The following PCNA variants were observed in gnomAD, a reference collection of about 807,000 sequenced individuals.
The protein encoded by PCNA is proliferating cell nuclear antigen.
A neutral mutation model predicts 27.8 loss-of-function variants in PCNA; 4 were observed. The ratio of observed to expected loss-of-function variants is 0.14; its 90% confidence interval spans 0.07 to 0.33. The LOEUF (loss-of-function observed/expected upper bound fraction) is 0.33. Ranked by LOEUF, PCNA falls within the 10% of genes least tolerant of loss-of-function variation. The pLI is 1.00. For missense variants in PCNA, 165 were observed against 327.4 expected, an observed-to-expected ratio of 0.50 and a Z score of 3.83; for synonymous variants, 121 against 119.4, an observed-to-expected ratio of 1.01 and a Z score of -0.09.
Position 5,115,218 on chromosome 20 carries a change from T to A in PCNA, c.*65A>T. The A allele has an allele frequency of 8.1e-7, 1 of 1,230,414 alleles. No individual in the cohort carries two copies. Among genetic ancestry groups the A allele is most frequent in the East Asian group, 2.3e-5 (1 of 42,932 alleles). The allele number at this position is 1,230,414 out of a possible 1,614,324, so 76.2% of individuals were successfully genotyped here. ...TTTGGTGACAGAAAAGACTTCAGTA[T>A]ATGCTGGCATCTTAGAAGCAGTTCT... is the stretch of plus-strand genomic sequence containing the variant. On this transcript the variant is annotated 3_prime_UTR_variant, in exon 6 of 6. Coordinates refer to ENST00000379143, the MANE Select transcript of PCNA (RefSeq NM_182649.2).
At position 5,118,869 on chromosome 20, in the gene PCNA, A is replaced by G. The variant is rs2090494757; in HGVS notation, c.222-3T>C. 3.1e-6 allele frequency: 5 copies of G among 1,587,650 alleles called. No homozygotes were observed. Among genetic ancestry groups the G allele is most frequent in the Non-Finnish European group, 1.7e-6 (2 of 1,156,842 alleles). ...CGCATTTTAGTATTTTGGACATACT[A>G]GAAGACAGGAGACACATGCTTTAAA... On this transcript the variant is annotated splice_region_variant and splice_polypyrimidine_tract_variant and intron_variant, in intron 1 of 5. Coordinates refer to ENST00000379143, the MANE Select transcript of PCNA (RefSeq NM_182649.2).
At chr20:5,117,225 G>T (rs893794688) in intron 4 of PCNA, among the ~76,000 whole-genome samples, 1 of 152,174 alleles carries the variant, frequency 6.6e-6, no homozygotes, top group Non-Finnish European at 1.5e-5. Context: ...TTAAGAGCCG[G>T]TGTGGACTTG....
chr20:5,126,118 G>T (rs2090546422), intron 1 of PCNA, among the ~76,000 whole-genome samples: 2 of 152,160 alleles, frequency 1.3e-5, no homozygotes, highest in African/African-American at 4.8e-5. Flanking sequence ...CCTTGGAATT[G>T]TTTGCGCCCG....
intron 4 of PCNA, 124 bp downstream of exon 4, chr20:5,117,345 AG>A (rs2122898933): frequency 1.5e-6 from 1 of 669,330 alleles, no homozygotes; most frequent in East Asian, 2.7e-5. Flanking sequence ...AGATTTCAAC[AG>A]TATCTCAATT....
At chr20:5,118,419 C>A (rs932915235) in intron 3 of PCNA, among the ~76,000 whole-genome samples, 191 bp downstream of exon 3, 28 of 152,064 alleles carry the variant, frequency 1.8e-4, no homozygotes, top group African/African-American at 6.8e-4. Flanking sequence ...TCCTTCCTAG[C>A]CACTTAGGAG....
chr20:5,126,483 A>G (rs1201567703), intron 1 of PCNA: 1 of 152,252 alleles, frequency 6.6e-6, no homozygotes, highest in Non-Finnish European at 1.5e-5. Context: ...CATTCGACCT[A>G]AATAACGTCT....
chr20:5,118,574 G>T, intron 3 of PCNA, 36 bp downstream of exon 3: 1 of 1,395,056 alleles, frequency 7.2e-7, no homozygotes, highest in Non-Finnish European at 1.0e-6. Context: ...TCGTGCCTGT[G>T]TACAGCACTC....
chr20:5,117,707 T>G, intron 3 of PCNA, 43 bp from the exon 4 acceptor site: 2 of 1,305,198 alleles, frequency 1.5e-6, no homozygotes, highest in Non-Finnish European at 1.1e-6. Context: ...TGTTAGAAAT[T>G]TAATGATTTG....
In PCNA at chr20:5,125,552, G is replaced by A. The variant is rs532094893; in HGVS notation, c.-117+948C>T. Among the ~76,000 whole-genome samples the A allele has an allele frequency of 3.5e-4, 53 of 152,342 alleles. No individual in the cohort carries two copies. The South Asian group carries it at 0.011, about 30-fold the overall frequency. ...TAAAAAACGAAATTGCAATTCTTTTGTGTGCAAGTGTCTCATTGTGAGATT... is the reference window on the plus strand; with the variant it reads ...TAAAAAACGAAATTGCAATTCTTTTATGTGCAAGTGTCTCATTGTGAGATT... On this transcript the variant is annotated intron_variant, in intron 1 of 6. Coordinates refer to the PCNA transcript ENST00000379160.
chr20:5,118,103 A>C lies in PCNA; in HGVS notation c.388-439T>G, dbSNP rs3730425. Among the ~76,000 whole-genome samples, 573 of 152,378 alleles carry C rather than the reference A, an allele frequency of 3.8e-3. 5 individuals carry two copies. The highest frequency in any genetic ancestry group is 0.012 in the African/African-American group (511 of 41,586). ...AAAGCAAGCATTCTAGAAGGAAACA[A>C]ATTTTAAAAGAGGTTCATGGAAGTT... is the stretch of plus-strand genomic sequence containing the variant. On this transcript the variant is annotated intron_variant, in intron 3 of 5. Transcript: ENST00000379143.
chr20:5,120,746 T>C (rs1362083850), upstream of PCNA, among the ~76,000 whole-genome samples: 1 of 152,214 alleles, frequency 6.6e-6, no homozygotes, highest in Admixed American at 6.5e-5. Flanking sequence ...ATTTTGGTGA[T>C]ATCAACTCCT....
At chr20:5,116,151 T>C (rs2122895286) in intron 4 of PCNA, among the ~76,000 whole-genome samples, 1 of 152,226 alleles carries the variant, frequency 6.6e-6, no homozygotes, top group South Asian at 2.1e-4. Context: ...TAGATTGTAA[T>C]GGAAGGGGGA....
At chr20:5,126,374 C>G (rs1043437106) in intron 1 of PCNA, 1 of 152,284 alleles carries the variant, frequency 6.6e-6, no homozygotes, top group South Asian at 2.1e-4. Flanking sequence ...GTACTAGCGA[C>G]CGCTTGGCAA....
At chr20:5,124,029 G>A (rs2090531587), upstream of PCNA, among the ~76,000 whole-genome samples, 1 of 152,172 alleles carries the variant, frequency 6.6e-6, no homozygotes. Context: ...TCCAGTCCTA[G>A]TCTTCATAAA....
upstream of PCNA, among the ~76,000 whole-genome samples, chr20:5,121,967 TTTTTTC>T (rs1242400585): frequency 3.0e-3 from 446 of 150,632 alleles, 1 homozygote; most frequent in Non-Finnish European, 4.1e-3. Context: ...ATTTCTTTTT[TTTTTTC>T]TTTTTCTTTT....
rs2090466873 is a variant in PCNA at position 5,115,226 on chromosome 20, C to T, written c.*57G>A. On this transcript the variant is annotated 3_prime_UTR_variant, in exon 6 of 6. Transcript: ENST00000379143. ...CAGAAAAGACTTCAGTATATGCTGGCATCTTAGAAGCAGTTCTCAAAGAGC... is the reference window on the plus strand; with the variant it reads ...CAGAAAAGACTTCAGTATATGCTGGTATCTTAGAAGCAGTTCTCAAAGAGC... 7.6e-7 allele frequency: 1 copy of T among 1,318,404 alleles called. No homozygotes were observed. The highest frequency in any genetic ancestry group is 1.5e-5 in the African/African-American group (1 of 68,964). 81.7% of individuals were successfully genotyped at this position (1,318,404 alleles called of 1,614,324 possible).
chr20:5,123,668 C>G (rs1166299163), upstream of PCNA, among the ~76,000 whole-genome samples: 2 of 149,902 alleles, frequency 1.3e-5, no homozygotes, highest in African/African-American at 2.5e-5. Context: ...GTACTCCAGC[C>G]TGGGTGACAG....
chr20:5,122,949 TA>T (rs1192119857), upstream of PCNA, among the ~76,000 whole-genome samples: 7 of 152,204 alleles, frequency 4.6e-5, no homozygotes, highest in African/African-American at 1.7e-4. Flanking sequence ...TACAGTTACG[TA>T]AATTTTATGT....
Position 5,119,575 on chromosome 20 carries a change from C to A in PCNA, c.221+3G>T, listed in dbSNP as rs1355034281. 6.2e-7 allele frequency: 1 copy of A among 1,609,826 alleles called. No homozygotes were observed. The highest frequency in any genetic ancestry group is 8.5e-7 in the Non-Finnish European group (1 of 1,178,756). On this transcript the variant is annotated splice_donor_region_variant and intron_variant, in intron 1 of 5. Coordinates refer to ENST00000379143, the MANE Select transcript of PCNA (RefSeq NM_182649.2). ...GCCGGCTTCCCGGGGCCGCGAGGCT[C>A]ACCTGGTGAGGTTCACGCCCATGGC...
Sources: gnomAD v4.1 joint callset for allele counts (sites outside exome capture counted in the v4.1 genomes callset) on GRCh38, gnomAD v4.1.1 for gene constraint, MANE v1.5 for transcripts, NCBI Gene and HGNC (gene_info 2026-07-23, HGNC 2026-07-21) for gene names.